The following PTPRS variants were observed in gnomAD, a reference collection of about 807,000 sequenced individuals.
The protein encoded by PTPRS is protein tyrosine phosphatase receptor type S.
A neutral mutation model predicts 215.3 loss-of-function variants in PTPRS; 63 were observed. That is an observed-to-expected ratio of 0.29 (90% CI 0.24 to 0.36). The LOEUF (loss-of-function observed/expected upper bound fraction) is 0.36. Among genes scored for constraint, PTPRS ranks in the 10% least tolerant of loss-of-function variants. PTPRS has a pLI of 1.00. For missense variants in PTPRS, 2,258 were observed against 2,825.8 expected (o/e 0.80, Z 4.56); for synonymous variants, 1,404 against 1,191.4 (o/e 1.18, Z -3.68).
At chr19:5,224,045 G>GGT (rs1568411052) in intron 17 of PTPRS, among the ~76,000 whole-genome samples, 1 of 152,004 alleles carries the variant, frequency 6.6e-6, no homozygotes, top group African/African-American at 2.4e-5. Flanking sequence ...CGGGGGTGGT[G>GGT]GTGCACGCCT....
chr19:5,218,265 C>T (rs2041664592), intron 25 of PTPRS, among the ~76,000 whole-genome samples, 155 bp downstream of exon 25: 2 of 151,846 alleles, frequency 1.3e-5, no homozygotes, highest in African/African-American at 2.4e-5. Context: ...AGCCCAGATC[C>T]ATGTAGGGTT....
chr19:5,330,034 G>A (rs1192604306), intron 1 of PTPRS, among the ~76,000 whole-genome samples: 2 of 145,236 alleles, frequency 1.4e-5, no homozygotes, highest in South Asian at 2.1e-4. Context: ...CCGAGATCAC[G>A]CCATTGCACT....
chr19:5,218,339 G>A, intron 25 of PTPRS, 81 bp downstream of exon 25: 1 of 1,321,288 alleles, frequency 7.6e-7, no homozygotes, highest in Non-Finnish European at 1.1e-6. Context: ...CCAATGAGGG[G>A]CCCCCAGGGT....
intron 1 of PTPRS, among the ~76,000 whole-genome samples, chr19:5,314,012 C>T (rs1040418073): frequency 2.4e-4 from 36 of 151,912 alleles, no homozygotes; most frequent in African/African-American, 8.2e-4. Context: ...TGGCGTGTGT[C>T]TGTAGTCCCA....
intron 12 of PTPRS, among the ~76,000 whole-genome samples, chr19:5,239,866 A>C (rs1178538685): frequency 1.3e-5 from 2 of 152,174 alleles, no homozygotes; most frequent in African/African-American, 4.8e-5. Context: ...AGACAGAAAC[A>C]GACCCGGAGG....
chr19:5,222,967 G>A lies in PTPRS; in HGVS notation c.2825C>T (p.Ser942Leu), dbSNP rs1293966082. 2.6e-5 allele frequency: 40 copies of A among 1,544,032 alleles called. No homozygotes were observed. In the Middle Eastern group the frequency reaches 1.0e-3, roughly 39 times the overall value. Residue 942 changes from serine to leucine, a missense_variant, in exon 18 of 38, where the codon TCG becomes TTG. Ser to Leu is a moderately radical substitution (Grantham distance 145, BLOSUM62 -2). Around this residue, in one of 6 missense-constraint regions of PTPRS, gnomAD observed 361 missense variants for 332.6 expected, o/e 1.09. Transcript: ENST00000262963. The stretch of plus-strand genomic sequence containing the variant: ...CCAGCGGAGAAGGACGGTCCCGGCC[G>A]AGGCGTTGCCGGCCGCCTCCAGAAT... Reference protein sequence around the residue: ...PQILEAAGNASAGTVLLRWLP... With the variant: ...PQILEAAGNALAGTVLLRWLP...
chr19:5,216,813 G>T (rs563193806), intron 25 of PTPRS, 46 bp from the exon 26 acceptor site: 2 of 1,377,206 alleles, frequency 1.5e-6, no homozygotes, highest in Non-Finnish European at 1.0e-6. Context: ...CAGGGGGTAG[G>T]GGGGGGTCCC....
intron 1 of PTPRS, among the ~76,000 whole-genome samples, chr19:5,301,283 T>C (rs540120419): frequency 6.0e-5 from 9 of 150,700 alleles, no homozygotes; most frequent in African/African-American, 2.2e-4. Flanking sequence ...GTCTCCCACC[T>C]TGAGCCAGCG....
chr19:5,273,689 T>G, intron 3 of PTPRS, 106 bp from the exon 4 acceptor site: 4 of 1,348,058 alleles, frequency 3.0e-6, no homozygotes, highest in Non-Finnish European at 4.1e-6. Context: ...GTCAGCCCCA[T>G]GATCCTGGGG....
intron 33 of PTPRS, among the ~76,000 whole-genome samples, chr19:5,211,206 A>C (rs1215495466): frequency 6.6e-6 from 1 of 152,152 alleles, no homozygotes; most frequent in African/African-American, 2.4e-5. Context: ...TCTCAGTGCT[A>C]TTGACATTTG....
chr19:5,222,046 A>G, intron 19 of PTPRS, 77 bp downstream of exon 19: 1 of 1,247,754 alleles, frequency 8.0e-7, no homozygotes, highest in South Asian at 1.2e-5. Flanking sequence ...CACCAACTCC[A>G]AACTGAGCCT....
chr19:5,223,748 G>C (rs2042226080), intron 17 of PTPRS, among the ~76,000 whole-genome samples: 1 of 151,208 alleles, frequency 6.6e-6, no homozygotes, highest in Non-Finnish European at 1.5e-5. Context: ...TTTTAGTAGA[G>C]ATGGGGTTTC....
intron 13 of PTPRS, among the ~76,000 whole-genome samples, chr19:5,234,734 A>T (rs1043341746): frequency 2.6e-5 from 4 of 152,142 alleles, no homozygotes; most frequent in Admixed American, 6.5e-5. Flanking sequence ...GTCCCCATGT[A>T]TTAGGCCCCT....
At chr19:5,267,679 G>C (rs2046527912) in intron 4 of PTPRS, among the ~76,000 whole-genome samples, 1 of 148,918 alleles carries the variant, frequency 6.7e-6, no homozygotes, top group Admixed American at 6.7e-5. Context: ...AAGAGATTAG[G>C]AAACAGCCAC....
chr19:5,300,112 A>T (rs2049256085), intron 1 of PTPRS, among the ~76,000 whole-genome samples: 1 of 151,548 alleles, frequency 6.6e-6, no homozygotes, highest in East Asian at 2.0e-4. Flanking sequence ...GTGGTGGTGC[A>T]CACCTGTAGC....
chr19:5,239,123 CAAAGGGGAGAGAGAGAGAGACAGAAA>C, intron 12 of PTPRS, 60 bp from the exon 13 acceptor site: 1 of 1,195,522 alleles, frequency 8.4e-7, no homozygotes, highest in Non-Finnish European at 1.2e-6. Context: ...GAGACAGAAA[CAAAGGGGAGAGAGAGAGAGACAGAAA>C]CAGAGGGGGG....
At chr19:5,290,813 C>CA (rs143697618) in intron 1 of PTPRS, among the ~76,000 whole-genome samples, 1,579 of 152,048 alleles carry the variant, frequency 0.01, 20 homozygotes, top group African/African-American at 0.037. Context: ...ATCCACCCCC[C>CA]ACCCACAGCT....
intron 17 of PTPRS, among the ~76,000 whole-genome samples, chr19:5,224,137 C>T (rs1261735708): frequency 6.6e-6 from 1 of 151,330 alleles, no homozygotes; most frequent in Non-Finnish European, 1.5e-5. Flanking sequence ...CAAGATCGTG[C>T]CACTGCACTC....
intron 20 of PTPRS, 45 bp from the exon 21 acceptor site, chr19:5,220,398 G>A (rs1322631984): frequency 2.0e-6 from 3 of 1,515,172 alleles, no homozygotes; most frequent in South Asian, 1.1e-5. Context: ...CGATAGGGAT[G>A]ACCAAGGGAT....
Sources: gnomAD v4.1 joint callset for allele counts (sites outside exome capture counted in the v4.1 genomes callset) on GRCh38, gnomAD v4.1.1 for gene constraint, gnomAD v4.1.1 regional missense constraint, MANE v1.5 for transcripts, NCBI Gene and HGNC (gene_info 2026-07-23, HGNC 2026-07-21) for gene names.